The following ARHGEF28 variants were observed in gnomAD, a reference collection of about 807,000 sequenced individuals.
The protein encoded by ARHGEF28 is 190 kDa guanine nucleotide exchange factor.
In ARHGEF28, 152 loss-of-function variants were observed where a neutral mutation model predicts 206.6. The observed-to-expected ratio is 0.74, with a 90% confidence interval of 0.64 to 0.84. The LOEUF is 0.84. Ranked by LOEUF, ARHGEF28 falls within the 40% of genes least tolerant of loss-of-function variation. ARHGEF28 has a pLI of 0.00. For missense variants in ARHGEF28, 2,028 were observed against 2,073.2 expected (o/e 0.98, Z 0.42); for synonymous variants, 763 against 776.4 (o/e 0.98, Z 0.29).
chr5:73,651,765 T>G (rs1341883623), intron 1 of ARHGEF28, among the ~76,000 whole-genome samples: 1 of 152,246 alleles, frequency 6.6e-6, no homozygotes, highest in Non-Finnish European at 1.5e-5. Flanking sequence ...TGTGGGACTT[T>G]TAGGCTATTT....
Position 73,867,903 on chromosome 5 carries a change from C to T in ARHGEF28, c.2180C>T (p.Pro727Leu). Residue 727 changes from proline (P) to leucine (L), a missense_variant, in exon 19 of 36, where the codon CCT becomes CTT. By Grantham distance (98) the Pro-to-Leu change is moderately conservative. Transcript: ENST00000513042. The part of the protein sequence containing the change: ...GNSSFRDIPQ[P>L]GLSLHPSSSV... ...TCTTCATTTAGAGACATCCCACAGCCTGGTCTCTCCTTGCACCCTTCTTCC... is the reference window on the plus strand; with the variant it reads ...TCTTCATTTAGAGACATCCCACAGCTTGGTCTCTCCTTGCACCCTTCTTCC... 2 of 1,614,018 alleles carry T rather than the reference C, an allele frequency of 1.2e-6. No individual in the cohort carries two copies. The highest frequency in any genetic ancestry group is 2.7e-5 in the African/African-American group (2 of 75,052).
intron 4 of ARHGEF28, among the ~76,000 whole-genome samples, chr5:73,759,556 G>A (rs924918482): frequency 6.6e-6 from 1 of 152,160 alleles, no homozygotes; most frequent in African/African-American, 2.4e-5. Context: ...AAGGACTTTA[G>A]AAGACGTTTA....
At chr5:73,892,451 G>A (rs528190094) in intron 27 of ARHGEF28, among the ~76,000 whole-genome samples, 68 of 152,234 alleles carry the variant, frequency 4.5e-4, no homozygotes, top group Middle Eastern at 3.4e-3. Context: ...CCTGCCGGGC[G>A]TTGATGCAGC....
chr5:73,637,474 G>A (rs1324336165), intron 1 of ARHGEF28, among the ~76,000 whole-genome samples: 1 of 152,228 alleles, frequency 6.6e-6, no homozygotes, highest in Admixed American at 6.5e-5. Context: ...TAAAAAGGTA[G>A]TATTTTAAAG....
chr5:73,862,697 GAATT>G (rs1759468772), intron 16 of ARHGEF28, among the ~76,000 whole-genome samples: 1 of 151,988 alleles, frequency 6.6e-6, no homozygotes, highest in Admixed American at 6.6e-5. Flanking sequence ...TTAATACACT[GAATT>G]AATTATTATT....
At chr5:73,645,325 A>G (rs1408128612) in intron 1 of ARHGEF28, among the ~76,000 whole-genome samples, 4 of 152,100 alleles carry the variant, frequency 2.6e-5, no homozygotes, top group Non-Finnish European at 5.9e-5. Context: ...TCAGGGTCAT[A>G]TTTTTAAAAA....
At chr5:73,745,726 T>C (rs940150813) in intron 2 of ARHGEF28, among the ~76,000 whole-genome samples, 5 of 151,996 alleles carry the variant, frequency 3.3e-5, no homozygotes, top group South Asian at 4.1e-4. Context: ...TATTTGGGCA[T>C]GATTGGGTAA....
intron 11 of ARHGEF28, among the ~76,000 whole-genome samples, chr5:73,844,396 G>A (rs1215271801): frequency 6.6e-6 from 1 of 152,076 alleles, no homozygotes; most frequent in Admixed American, 6.6e-5. Flanking sequence ...ATCTCCTTCC[G>A]TCTCAGATTG....
chr5:73,836,666 G>A (rs1433642034), intron 10 of ARHGEF28, among the ~76,000 whole-genome samples: 1 of 152,096 alleles, frequency 6.6e-6, no homozygotes, highest in East Asian at 1.9e-4. Flanking sequence ...TTGGTTTGGT[G>A]TAGTCACACT....
At chr5:73,887,797 T>C (rs1761394588) in intron 26 of ARHGEF28, 118 bp downstream of exon 26, 1 of 823,566 alleles carries the variant, frequency 1.2e-6, no homozygotes, top group Non-Finnish European at 1.8e-6. Flanking sequence ...GCTTCTGTTA[T>C]GTTTCCATTA....
chr5:73,791,871 G>A (rs1580623680), intron 7 of ARHGEF28, among the ~76,000 whole-genome samples: 1 of 152,218 alleles, frequency 6.6e-6, no homozygotes, highest in East Asian at 1.9e-4. Context: ...AAGATTAATA[G>A]GCCTTTAAAA....
chr5:73,893,056 AG>A (rs148806010), intron 27 of ARHGEF28, 140 bp from the exon 28 acceptor site: 9 of 619,020 alleles, frequency 1.5e-5, no homozygotes, highest in African/African-American at 1.3e-4. Context: ...GTCTCTGGCC[AG>A]GGGGGATGAT....
chr5:73,913,591 T>C (rs1240912505), intron 35 of ARHGEF28, among the ~76,000 whole-genome samples: 1 of 152,138 alleles, frequency 6.6e-6, no homozygotes, highest in Non-Finnish European at 1.5e-5. Context: ...TGGGGGACAG[T>C]GACTGCGGGG....
intron 35 of ARHGEF28, chr5:73,923,134 C>T: frequency 6.5e-7 from 1 of 1,535,892 alleles, no homozygotes; most frequent in Non-Finnish European, 8.7e-7. Flanking sequence ...TCCCCCGGGA[C>T]TGTGGACTGG....
intron 2 of ARHGEF28, among the ~76,000 whole-genome samples, chr5:73,687,282 G>C (rs183600079): frequency 6.6e-6 from 1 of 151,228 alleles, no homozygotes; most frequent in African/African-American, 2.4e-5. Context: ...TAAAATTCTA[G>C]GTAATTAAAA....
intron 1 of ARHGEF28, among the ~76,000 whole-genome samples, chr5:73,666,895 A>G (rs1745990325): frequency 6.6e-6 from 1 of 152,208 alleles, no homozygotes; most frequent in Non-Finnish European, 1.5e-5. Flanking sequence ...TGTCCCTTCA[A>G]GGGTCCCATG....
At chr5:73,655,458 T>C (rs1316766090) in intron 1 of ARHGEF28, among the ~76,000 whole-genome samples, 1 of 152,256 alleles carries the variant, frequency 6.6e-6, no homozygotes, top group Non-Finnish European at 1.5e-5. Context: ...CATAGGCCCA[T>C]GCAAGAGAAC....
At chr5:73,658,988 C>CAT (rs1745412400) in intron 1 of ARHGEF28, among the ~76,000 whole-genome samples, 1 of 75,916 alleles carries the variant, frequency 1.3e-5, no homozygotes, top group Non-Finnish European at 4.0e-5. Flanking sequence ...CACACACACA[C>CAT]ACACACACAC....
intron 2 of ARHGEF28, among the ~76,000 whole-genome samples, chr5:73,745,178 G>A (rs889431137): frequency 8.6e-5 from 13 of 151,970 alleles, no homozygotes; most frequent in Admixed American, 7.9e-4. Flanking sequence ...TGTTATTAAC[G>A]AAGTGTAATT....
Sources: gnomAD v4.1 joint callset for allele counts (sites outside exome capture counted in the v4.1 genomes callset) on GRCh38, gnomAD v4.1.1 for gene constraint, MANE v1.5 for transcripts, NCBI Gene and HGNC (gene_info 2026-07-23, HGNC 2026-07-21) for gene names.